Variants in NDC80 observed in about 807,000 individuals in gnomAD.
NDC80 encodes the protein kinetochore protein NDC80 homolog.
NDC80 carries 69 observed loss-of-function variants against 89.3 expected under a neutral mutation model. The observed-to-expected ratio is 0.77, with a 90% confidence interval of 0.64 to 0.94. The LOEUF (loss-of-function observed/expected upper bound fraction) is 0.94. NDC80 is among the 40% of genes least tolerant of loss of function. The probability of loss-of-function intolerance (pLI) is 0.00; values close to 1 mark genes in which losing one functional copy is unlikely to be tolerated. For missense variants in NDC80, 593 were observed against 739.6 expected, an observed-to-expected ratio of 0.80 and a Z score of 2.30; for synonymous variants, 243 against 255.6, an observed-to-expected ratio of 0.95 and a Z score of 0.47.
At chr18:2,575,685 G>A (rs2143629763) in intron 3 of NDC80, among the ~76,000 whole-genome samples, 1 of 152,164 alleles carries the variant, frequency 6.6e-6, no homozygotes, top group East Asian at 1.9e-4. Context: ...AGCACTTTGG[G>A]AGGCCAAGGC....
chr18:2,614,956 G>T (rs912590993), intron 16 of NDC80: 1 of 152,346 alleles, frequency 6.6e-6, no homozygotes, highest in South Asian at 2.1e-4. Flanking sequence ...GCGGACAGAG[G>T]CGGATGCTGG....
chr18:2,579,937 A>G (rs1239355017), intron 6 of NDC80, among the ~76,000 whole-genome samples: 1 of 152,170 alleles, frequency 6.6e-6, no homozygotes, highest in African/African-American at 2.4e-5. Flanking sequence ...GCTTGTTTAT[A>G]TATAAATGTG....
intron 7 of NDC80, among the ~76,000 whole-genome samples, chr18:2,586,254 CTTTTT>C (rs546967040): frequency 3.9e-5 from 6 of 152,152 alleles, no homozygotes; most frequent in Non-Finnish European, 5.9e-5. Flanking sequence ...TTGCCTTTTT[CTTTTT>C]AACAAAAAAT....
intron 13 of NDC80, among the ~76,000 whole-genome samples, chr18:2,605,760 TGTTTCCTGCAGGAAACA>T (rs1327171362): frequency 1.3e-5 from 2 of 152,208 alleles, no homozygotes; most frequent in African/African-American, 2.4e-5. Flanking sequence ...TACTCTTTTG[TGTTTCCTGCAGGAAACA>T]GTTTCCTCTT....
Position 2,595,746 on chromosome 18 carries a change from T to G in NDC80, c.1221+125T>G, listed in dbSNP as rs1352697881. The G allele has an allele frequency of 9.3e-6, 6 of 647,332 alleles. No individual in the cohort carries two copies. The Admixed American group carries it at 1.8e-4, about 20-fold the overall frequency. The allele number at this position is 647,332 out of a possible 1,614,324, so 40.1% of individuals were successfully genotyped here. A position where few individuals can be genotyped will look rare whatever the true frequency, so the allele number is the denominator to read the frequency against. The stretch of plus-strand genomic sequence containing the variant: ...AAGAGGTAAAACATTAGCATTGACA[T>G]TTTAATGAAACACTCATCCCTTTAT... On this transcript the variant is annotated intron_variant, in intron 11 of 16. Transcript: ENST00000261597.
Position 2,610,744 on chromosome 18 carries a change from G to GT in NDC80, c.1689-10dup. On this transcript the variant is annotated splice_polypyrimidine_tract_variant and intron_variant, in intron 15 of 16. Transcript: ENST00000261597. Reference sequence around the variant, plus strand: ...TTTTTCCTGGACAACTTAAACAAGAGTTTTTGTTCTACAGATACCAACTAG... The same window carrying GT: ...TTTTTCCTGGACAACTTAAACAAGAGTTTTTTGTTCTACAGATACCAACTAG... 1 of 1,539,606 alleles carries GT rather than the reference G, an allele frequency of 6.5e-7. No homozygotes were observed. The highest frequency in any genetic ancestry group is 8.8e-7 in the Non-Finnish European group (1 of 1,129,982).
At chr18:2,600,312 C>G (rs2072677861) in intron 12 of NDC80, among the ~76,000 whole-genome samples, 1 of 152,036 alleles carries the variant, frequency 6.6e-6, no homozygotes. Flanking sequence ...GTGAAAAGTT[C>G]TTTAAGAGAT....
chr18:2,606,806 T>C (rs1257496211), intron 14 of NDC80, among the ~76,000 whole-genome samples: 1 of 152,118 alleles, frequency 6.6e-6, no homozygotes, highest in Non-Finnish European at 1.5e-5. Context: ...ACAGAATCTC[T>C]CCTACCTTTT....
At chr18:2,578,884 A>T (rs377009165) in intron 5 of NDC80, 43 bp from the exon 6 acceptor site, 2 of 1,194,438 alleles carry the variant, frequency 1.7e-6, no homozygotes, top group African/African-American at 3.2e-5. Context: ...TTACTAAATT[A>T]TAATAACATT....
intron 2 of NDC80, among the ~76,000 whole-genome samples, chr18:2,573,417 A>G (rs1306095933): frequency 2.0e-5 from 3 of 152,200 alleles, no homozygotes; most frequent in Non-Finnish European, 4.4e-5. Context: ...TGTAACTTAG[A>G]GTTCACTGAG....
chr18:2,581,521 G>A (rs1371064779), intron 6 of NDC80, among the ~76,000 whole-genome samples: 1 of 152,132 alleles, frequency 6.6e-6, no homozygotes, highest in African/African-American at 2.4e-5. Context: ...ATATTAGCCG[G>A]GTGTGATGGT....
intron 10 of NDC80, among the ~76,000 whole-genome samples, chr18:2,592,828 C>T (rs571586876): frequency 7.9e-5 from 12 of 152,242 alleles, no homozygotes; most frequent in African/African-American, 2.9e-4. Flanking sequence ...CTTAGGATGA[C>T]TCTCTTGACC....
At chr18:2,598,218 TAAC>T (rs2072667311) in intron 11 of NDC80, among the ~76,000 whole-genome samples, 1 of 152,198 alleles carries the variant, frequency 6.6e-6, no homozygotes, top group Admixed American at 6.5e-5. Context: ...GGATGGGTAA[TAAC>T]AATGAGAAAC....
chr18:2,609,226 T>C (rs564412095), intron 15 of NDC80, among the ~76,000 whole-genome samples: 2 of 152,196 alleles, frequency 1.3e-5, no homozygotes, highest in Non-Finnish European at 2.9e-5. Context: ...GTATATTATA[T>C]AGTAAAATGT....
At chr18:2,584,416 T>A (rs2072594450) in intron 6 of NDC80, among the ~76,000 whole-genome samples, 1 of 151,862 alleles carries the variant, frequency 6.6e-6, no homozygotes, top group African/African-American at 2.4e-5. Context: ...TATAGTAATT[T>A]CATTTAAATT....
chr18:2,595,452 G>C lies in NDC80; in HGVS notation c.1052G>C (p.Arg351Pro). 6.2e-7 allele frequency: 1 copy of C among 1,613,608 alleles called. No homozygotes were observed. Among genetic ancestry groups the C allele is most frequent in the Non-Finnish European group, 8.5e-7 (1 of 1,179,806 alleles). The change falls in exon 11 of 17, where the codon CGA becomes CCA. Residue 351 changes from arginine to proline, a missense_variant. Arg to Pro is a moderately radical substitution (Grantham distance 103). Coordinates refer to ENST00000261597, the MANE Select transcript of NDC80 (RefSeq NM_006101.3). The stretch of plus-strand genomic sequence containing the variant: ...GAAACAATAAAACAGGAGAACACTC[G>C]ACTACAGAATATCATTGACAACCAG... ...ECETIKQENT[R>P]LQNIIDNQKY...
intron 3 of NDC80, among the ~76,000 whole-genome samples, chr18:2,576,211 T>C (rs1331897392): frequency 6.6e-6 from 1 of 152,234 alleles, no homozygotes. Flanking sequence ...GGGCTATATC[T>C]GTCAAAATTA....
intron 13 of NDC80, among the ~76,000 whole-genome samples, chr18:2,602,937 G>C (rs2072691450): frequency 6.6e-6 from 1 of 152,086 alleles, no homozygotes; most frequent in African/African-American, 2.4e-5. Context: ...TAGAACCCAA[G>C]GATTTCATGG....
chr18:2,606,394 A>G lies in NDC80; in HGVS notation c.1465-21A>G, dbSNP rs781608298. ...TTTGATGTATAGTTATGATTTCTCA[A>G]CCAAAGTTTTATTTCCCCAGTTGAA... On this transcript the variant is annotated intron_variant, in intron 13 of 16. Transcript: ENST00000261597. 121 of 1,549,798 alleles carry G rather than the reference A, an allele frequency of 7.8e-5. 1 individual carries two copies. The highest frequency in any genetic ancestry group is 4.5e-5 in the Non-Finnish European group (51 of 1,138,980).
Sources: gnomAD v4.1 joint callset for allele counts (sites outside exome capture counted in the v4.1 genomes callset) on GRCh38, gnomAD v4.1.1 for gene constraint, MANE v1.5 for transcripts, NCBI Gene and HGNC (gene_info 2026-07-23, HGNC 2026-07-21) for gene names.